The following CPT1B variants were observed in gnomAD, a reference collection of about 807,000 sequenced individuals.
CPT1B encodes carnitine O-palmitoyltransferase 1, muscle isoform.
A neutral mutation model predicts 92.7 loss-of-function variants in CPT1B; 57 were observed. That is an observed-to-expected ratio of 0.62 (90% CI 0.50 to 0.77). The LOEUF (loss-of-function observed/expected upper bound fraction) is 0.77, where lower values mean the gene tolerates loss of function less well. Ranked by LOEUF, CPT1B falls within the 30% of genes least tolerant of loss-of-function variation. The pLI, the probability that CPT1B is intolerant of heterozygous loss-of-function variation, is 0.00. For synonymous variants in CPT1B, 398 were observed against 383.5 expected, an observed-to-expected ratio of 1.04 and a Z score of -0.44; for missense variants, 983 against 1,017.4, an observed-to-expected ratio of 0.97 and a Z score of 0.46.
In CPT1B at chr22:50,577,460, C is replaced by T; in HGVS notation, c.145G>A (p.Gly49Ser). Residue 49 changes from glycine to serine, a missense_variant, in exon 3 of 20, where the codon GGC (glycine) becomes AGC (serine). Physicochemically the swap from Gly to Ser is moderately conservative, Grantham distance 56. Transcript: ENST00000312108. ...CCAGGGTACACGCCCCTGAGGATGC[C>T]ATTCTGTGGGCAGAAACAGGCGCCC... ...WKKRLIRIKN[G>S]ILRGVYPGSP... 6 of 1,613,488 alleles carry T rather than the reference C, an allele frequency of 3.7e-6. No homozygotes were observed. The highest frequency in any genetic ancestry group is 5.1e-6 in the Non-Finnish European group (6 of 1,179,908).
At chr22:50,577,550 G>T in intron 2 of CPT1B, 87 bp from the exon 3 acceptor site, 1 of 1,538,960 alleles carries the variant, frequency 6.5e-7, no homozygotes, top group Non-Finnish European at 8.8e-7. Flanking sequence ...TCCTGGTCTT[G>T]GCCTGGAAGG....
In CPT1B at chr22:50,572,142, CTG is replaced by C. The variant is rs1311623176; in HGVS notation, c.1459-22_1459-21del. The C allele has an allele frequency of 6.2e-7, 1 of 1,613,430 alleles. No individual in the cohort carries two copies. The highest frequency in any genetic ancestry group is 1.3e-5 in the African/African-American group (1 of 74,920). On this transcript the variant is annotated intron_variant, in intron 12 of 19. Transcript: ENST00000312108. Reference sequence around the variant, plus strand: ...GACAAACTGCAGGGAGAGGATGAGACTGAGAGGCTGGCCTCATCCCCTACAGC... The same window carrying C: ...GACAAACTGCAGGGAGAGGATGAGACAGAGGCTGGCCTCATCCCCTACAGC...
rs2070201892 is a variant in CPT1B, at chr22:50,572,039, A to G, written c.1542T>C (p.Pro514=). ...GAATGTCCCACTGCAGCCGTGTAGGAGGTGCGAGCGCAGGGTTCGGTTTGC... is the reference window on the plus strand; with the variant it reads ...GAATGTCCCACTGCAGCCGTGTAGGGGGTGCGAGCGCAGGGTTCGGTTTGC... ...CLGKPNPALA[P]PTRLQWDIPK... The change falls in exon 13 of 20, where the codon CCT becomes CCC. Residue 514 remains proline, a synonymous_variant. Transcript: ENST00000312108. The G allele has an allele frequency of 1.2e-6, 2 of 1,614,066 alleles. No homozygotes were observed. Among genetic ancestry groups the G allele is most frequent in the Admixed American group, 3.3e-5 (2 of 60,018 alleles).
Position 50,571,993 on chromosome 22 carries a change from G to C in CPT1B, c.1575+13C>G. ...TTGTGGTCTCACACCTGCTCTGGGA[G>C]CTTCCAACCCACCTGTTTTGGAATG... On this transcript the variant is annotated intron_variant, in intron 13 of 19. Coordinates refer to ENST00000312108, the MANE Select transcript of CPT1B (RefSeq NM_152246.3). 6.2e-6 allele frequency: 10 copies of C among 1,609,972 alleles called. No homozygotes were observed. Among genetic ancestry groups the C allele is most frequent in the South Asian group, 1.1e-5 (1 of 90,954 alleles).
At position 50,569,060 on chromosome 22, in the gene CPT1B, AC is replaced by A. The variant is rs1295882732; in HGVS notation, c.*23del. 3.2e-5 allele frequency: 11 copies of A among 340,492 alleles called. No homozygotes were observed. The highest frequency in any genetic ancestry group is 9.1e-5 in the Admixed American group (2 of 22,036). 21.1% of individuals were successfully genotyped at this position (340,492 alleles called of 1,614,324 possible). ...AGGGGGAGGGCCTCCGAGTTCCCAA[AC>A]AAAACACAGGTACCTAAGGGCTGAG... On this transcript the variant is annotated 3_prime_UTR_variant, in exon 20 of 20. Transcript: ENST00000312108.
chr22:50,572,827 C>G (rs929652766), intron 11 of CPT1B, 48 bp downstream of exon 11: 1 of 1,571,660 alleles, frequency 6.4e-7, no homozygotes. Context: ...AACCATAACC[C>G]TAACTTTTAA....
intron 5 of CPT1B, 28 bp from the exon 6 acceptor site, chr22:50,576,363 G>A: frequency 6.2e-7 from 1 of 1,613,604 alleles, no homozygotes; most frequent in Non-Finnish European, 8.5e-7. Context: ...ATCACCGTGG[G>A]GCCAGATGGC....
Position 50,576,181 on chromosome 22 carries a change from CA to C in CPT1B, c.699+16del. On this transcript the variant is annotated intron_variant, in intron 6 of 19. Transcript: ENST00000312108. The stretch of plus-strand genomic sequence containing the variant: ...GACACATGGCAGGTGACAGTGAGCC[CA>C]GGGGCAGGAACTTACATAGTTACTT... 6.2e-7 allele frequency: 1 copy of C among 1,614,086 alleles called. No individual in the cohort carries two copies. Among genetic ancestry groups the C allele is most frequent in the Non-Finnish European group, 8.5e-7 (1 of 1,180,022 alleles).
rs992685338 is a variant in CPT1B at position 50,574,358 on chromosome 22, G to A, written c.947C>T (p.Thr316Ile). 5 of 1,613,812 alleles carry A rather than the reference G, an allele frequency of 3.1e-6. No homozygotes were observed. The highest frequency in any genetic ancestry group is 1.7e-5 in the Admixed American group (1 of 59,946). ...ACCTGTGTCCTTGCCCGGGATCCGA[G>A]TGGTGTTGAACATCCTCTCCATCTG... ...SYQMERMFNT[T>I]RIPGKDTDVL... Residue 316 changes from threonine (T) to isoleucine (I), a missense_variant, in exon 9 of 20, where the codon ACT becomes ATT. Physicochemically the swap from Thr to Ile is moderately conservative, Grantham distance 89. Transcript: ENST00000312108.
chr22:50,570,201 T>C, intron 17 of CPT1B, 92 bp downstream of exon 17: 1 of 906,032 alleles, frequency 1.1e-6, no homozygotes, highest in African/African-American at 1.7e-5. Context: ...AGCAAGGTGC[T>C]CCTGCCTCTC....
Position 50,570,175 on chromosome 22 carries a change from G to A in CPT1B, c.2142+118C>T, listed in dbSNP as rs1016220701. ...CATTCTGCTTCCATGCAGGTCTGGGGTTATGCTCTCCTCTAAGCAAGGTGC... is the reference window on the plus strand; with the variant it reads ...CATTCTGCTTCCATGCAGGTCTGGGATTATGCTCTCCTCTAAGCAAGGTGC... On this transcript the variant is annotated intron_variant, in intron 17 of 19. Transcript: ENST00000312108. The A allele has an allele frequency of 5.5e-6, 4 of 731,214 alleles. No individual in the cohort carries two copies. The African/African-American group carries it at 7.1e-5, about 13-fold the overall frequency. 45.3% of individuals were successfully genotyped at this position (731,214 alleles called of 1,614,324 possible). A position where few individuals can be genotyped will look rare whatever the true frequency, so the allele number is the denominator to read the frequency against.
chr22:50,575,263 C>T (rs1178529179), intron 7 of CPT1B, among the ~76,000 whole-genome samples: 1 of 152,222 alleles, frequency 6.6e-6, no homozygotes, highest in Non-Finnish European at 1.5e-5. Context: ...CCTGCCTCGG[C>T]CTCCCAAAGT....
At chr22:50,569,523 G>A (rs2070053092) in intron 18 of CPT1B, 53 bp downstream of exon 18, 2 of 1,604,176 alleles carry the variant, frequency 1.2e-6, no homozygotes, top group Non-Finnish European at 1.7e-6. Flanking sequence ...GTGTTCCTGG[G>A]CAGCCCCAGG....
chr22:50,570,225 G>T, intron 17 of CPT1B, 68 bp downstream of exon 17: 1 of 1,178,388 alleles, frequency 8.5e-7, no homozygotes, highest in South Asian at 1.6e-5. Flanking sequence ...TGACCTCAGG[G>T]CCTGCACTCG....
intron 1 of CPT1B, 187 bp downstream of exon 1, chr22:50,578,199 G>C (rs1041385014): frequency 6.4e-6 from 1 of 157,318 alleles, no homozygotes; most frequent in African/African-American, 2.4e-5. Context: ...CTGGAGTTGG[G>C]GGGCGTCAGC....
rs374019989 is a variant in CPT1B at position 50,571,309 on chromosome 22, G to A, written c.1741-17C>T. ...ACCCCTGTCCTGGGATATACAGAGGGGTGAATCTGGCAGGTGGACCCTGGT... is the reference window on the plus strand; with the variant it reads ...ACCCCTGTCCTGGGATATACAGAGGAGTGAATCTGGCAGGTGGACCCTGGT... On this transcript the variant is annotated splice_polypyrimidine_tract_variant and intron_variant, in intron 14 of 19. Transcript: ENST00000312108. 17 of 1,613,562 alleles carry A rather than the reference G, an allele frequency of 1.1e-5. No individual in the cohort carries two copies. The highest frequency in any genetic ancestry group is 6.7e-5 in the African/African-American group (5 of 74,932).
chr22:50,571,290 GTCC>G lies in CPT1B; in HGVS notation c.1741-1_1742del. The G allele has an allele frequency of 6.2e-7, 1 of 1,613,804 alleles. No homozygotes were observed. On this transcript the variant is annotated splice_acceptor_variant and coding_sequence_variant, in exon 15 of 20. Coordinates refer to ENST00000312108, the MANE Select transcript of CPT1B (RefSeq NM_152246.3). LOFTEE classifies it high-confidence loss of function. ...CATAGGTCAGGCAGAACTTACCCCTGTCCTGGGATATACAGAGGGGTGAATCTG... is the reference window on the plus strand; with the variant it reads ...CATAGGTCAGGCAGAACTTACCCCTGTGGGATATACAGAGGGGTGAATCTG...
Position 50,569,403 on chromosome 22 carries a change from T to C in CPT1B, c.2254A>G (p.Asn752Asp), listed in dbSNP as rs1279316570. 1 of 1,614,122 alleles carries C rather than the reference T, an allele frequency of 6.2e-7. No homozygotes were observed. The highest frequency in any genetic ancestry group is 1.1e-5 in the South Asian group (1 of 91,088). ...TCCAGCAGGGCTTTGCGGATGTGGT[T>C]TCCAAAGCGCTGGGCGTTCTGTGGG... ...SSETNAQRFG[N>D]HIRKALLDIA... The change falls in exon 19 of 20, where the codon AAC becomes GAC. Residue 752 changes from asparagine (N) to aspartate (D), a missense_variant. Physicochemically the swap from Asn to Asp is conservative, Grantham distance 23 (BLOSUM62 1). Coordinates refer to ENST00000312108, the MANE Select transcript of CPT1B (RefSeq NM_152246.3).
At chr22:50,577,673 G>A in intron 2 of CPT1B, 102 bp downstream of exon 2, 12 of 1,518,832 alleles carry the variant, frequency 7.9e-6, no homozygotes, top group Non-Finnish European at 9.9e-6. Flanking sequence ...ACCTGTACCG[G>A]GCAGAAGTGC....
Sources: allele counts gnomAD v4.1 joint callset (sites outside exome capture counted in the v4.1 genomes callset), GRCh38; gene constraint gnomAD v4.1.1; transcripts MANE v1.5; gene names NCBI Gene and HGNC (gene_info 2026-07-23, HGNC 2026-07-21).